The following SMYD4 variants were observed in gnomAD, a reference collection of about 807,000 sequenced individuals.
The protein encoded by SMYD4 is protein-lysine N-methyltransferase SMYD4.
SMYD4 carries 68 observed loss-of-function variants against 72.8 expected under a neutral mutation model. That is an observed-to-expected ratio of 0.93 (90% CI 0.77 to 1.14). The LOEUF (loss-of-function observed/expected upper bound fraction) is 1.14, where lower values mean the gene tolerates loss of function less well. Ranked by LOEUF, SMYD4 falls within the 50% of genes most tolerant of loss-of-function variation. SMYD4 has a pLI of 0.00. For missense variants in SMYD4, 984 were observed against 1,003.7 expected, an observed-to-expected ratio of 0.98 and a Z score of 0.27; for synonymous variants, 407 against 388.6, an observed-to-expected ratio of 1.05 and a Z score of -0.56.
Position 1,794,093 on chromosome 17 carries a change from A to G in SMYD4, c.1537+5764T>C, listed in dbSNP as rs181340805. On this transcript the variant is annotated intron_variant, in intron 5 of 10. Coordinates refer to ENST00000305513, the MANE Select transcript of SMYD4 (RefSeq NM_052928.3). ...TGTATATATATGTGTATATATATAT[A>G]TATATATATATATTTTTTTTTTTTT... 3.0e-3 allele frequency among the ~76,000 whole-genome samples: 58 copies of G among 19,382 alleles called. 4 individuals carry two copies. Among genetic ancestry groups the G allele is most frequent in the African/African-American group, 6.5e-3 (38 of 5,818 alleles). The allele number at this position is 19,382 out of a possible 152,430, so 12.7% of individuals were successfully genotyped here.
Position 1,781,448 on chromosome 17 carries a change from A to C in SMYD4, c.2262-9T>G. The C allele has an allele frequency of 6.2e-7, 1 of 1,612,538 alleles. No individual in the cohort carries two copies. The highest frequency in any genetic ancestry group is 8.5e-7 in the Non-Finnish European group (1 of 1,179,510). On this transcript the variant is annotated splice_polypyrimidine_tract_variant and intron_variant, in intron 10 of 10. Coordinates refer to ENST00000305513, the MANE Select transcript of SMYD4 (RefSeq NM_052928.3). ...CTTCGGGTACTGCAAACCTGAGCCA[A>C]GGGAGGTAAGAGGAGTTAGTTCACT...
intron 2 of SMYD4, 119 bp downstream of exon 2, chr17:1,827,742 C>T: frequency 7.6e-7 from 1 of 1,321,464 alleles, no homozygotes; most frequent in East Asian, 2.6e-5. Context: ...TTGAGACCAG[C>T]CTGGGAAACA....
At position 1,828,664 on chromosome 17, in the gene SMYD4, C is replaced by T. The variant is rs536891037; in HGVS notation, c.-12-658G>A. On this transcript the variant is annotated intron_variant, in intron 1 of 10. Coordinates refer to ENST00000305513, the MANE Select transcript of SMYD4 (RefSeq NM_052928.3). The stretch of plus-strand genomic sequence containing the variant: ...CCAGGCTGGAGTGCAGTGGCACCAT[C>T]TCGGCTCACTGCACCCTCCGCCTCC... Among the ~76,000 whole-genome samples, 14 of 149,720 alleles carry T rather than the reference C, an allele frequency of 9.4e-5. No homozygotes were observed. The South Asian group carries it at 2.9e-3, about 32-fold the overall frequency.
chr17:1,815,035 C>T (rs758805836), intron 2 of SMYD4, among the ~76,000 whole-genome samples: 1 of 151,834 alleles, frequency 6.6e-6, no homozygotes, highest in Non-Finnish European at 1.5e-5. Context: ...ATTCTTCTTG[C>T]CTAACAATAG....
At chr17:1,807,740 A>G (rs1910118273) in intron 3 of SMYD4, among the ~76,000 whole-genome samples, 1 of 152,166 alleles carries the variant, frequency 6.6e-6, no homozygotes, top group Admixed American at 6.6e-5. Context: ...GGTGCTGAAC[A>G]ATATGCGCAG....
At chr17:1,820,249 G>A (rs1910823029) in intron 2 of SMYD4, among the ~76,000 whole-genome samples, 3 of 151,824 alleles carry the variant, frequency 2.0e-5, no homozygotes, top group Admixed American at 2.0e-4. Flanking sequence ...GTTCTTTTTT[G>A]TTGTTTTTGA....
chr17:1,787,537 G>C lies in SMYD4; in HGVS notation c.1605C>G (p.Ile535Met). Residue 535 changes from isoleucine to methionine, a missense_variant, in exon 6 of 11, where the codon ATC (isoleucine) becomes ATG (methionine). Coordinates refer to ENST00000305513, the MANE Select transcript of SMYD4 (RefSeq NM_052928.3). Reference sequence around the variant, plus strand: ...GGCTACAGGAGTGGTTCAGGAGGCTGATAACAGGGAAGATGCCTGTGGCAA... The same window carrying C: ...GGCTACAGGAGTGGTTCAGGAGGCTCATAACAGGGAAGATGCCTGTGGCAA... ...VRLATGIFPV[I>M]SLLNHSCSPN... 6.3e-7 allele frequency: 1 copy of C among 1,594,252 alleles called. No homozygotes were observed. Among genetic ancestry groups the C allele is most frequent in the Admixed American group, 1.8e-5 (1 of 56,884 alleles).
intron 5 of SMYD4, among the ~76,000 whole-genome samples, chr17:1,794,081 G>GTGTGTATATATATA (rs1454228796): frequency 2.9e-4 from 5 of 17,118 alleles, no homozygotes; most frequent in Admixed American, 7.8e-4. Flanking sequence ...ATATATATGT[G>GTGTGTATATATATA]TATATATATA....
rs528588244 is a variant in SMYD4 at position 1,812,026 on chromosome 17, CCTT to C, written c.221_223del (p.Glu74del). ...ATCTTTCTCCTGAAATTTTTTGTTT[CCTT>C]CTTCTCTGTAGAAAAGAGGAGCGTC... On this transcript the variant is annotated inframe_deletion, in exon 3 of 11. Coordinates refer to ENST00000305513, the MANE Select transcript of SMYD4 (RefSeq NM_052928.3). 1.9e-4 allele frequency: 299 copies of C among 1,614,112 alleles called. No individual in the cohort carries two copies. The highest frequency in any genetic ancestry group is 4.7e-4 in the Admixed American group (28 of 60,000).
intron 2 of SMYD4, among the ~76,000 whole-genome samples, chr17:1,824,845 G>C (rs1313473144): frequency 6.6e-6 from 1 of 151,914 alleles, no homozygotes; most frequent in Admixed American, 6.6e-5. Flanking sequence ...GGCTGGTCCT[G>C]AACTCCTGAC....
intron 2 of SMYD4, among the ~76,000 whole-genome samples, chr17:1,823,101 T>C (rs1362093260): frequency 6.6e-6 from 1 of 151,308 alleles, no homozygotes; most frequent in African/African-American, 2.4e-5. Context: ...CCGGGCACGG[T>C]GGCTCACGCC....
In SMYD4 at chr17:1,783,083, A is replaced by C; in HGVS notation, c.2213T>G (p.Val738Gly). The C allele has an allele frequency of 6.2e-7, 1 of 1,614,218 alleles. No homozygotes were observed. Among genetic ancestry groups the C allele is most frequent in the Non-Finnish European group, 8.5e-7 (1 of 1,180,046 alleles). ...TTTGAAGAGCTCATGGCCCATTTCA[A>C]CACTGGACGGCCCGTGGCGAACCTC... ...VVEVRHGPSSVEMGHELFKLA... is the reference protein window; with the variant it reads ...VVEVRHGPSSGEMGHELFKLA... Residue 738 changes from valine to glycine, a missense_variant, in exon 10 of 11, where the codon GTT becomes GGT. By Grantham distance (109) the Val-to-Gly change is moderately radical. Coordinates refer to ENST00000305513, the MANE Select transcript of SMYD4 (RefSeq NM_052928.3).
At chr17:1,790,556 G>A (rs117127027) in intron 5 of SMYD4, among the ~76,000 whole-genome samples, 14,570 of 151,800 alleles carry the variant, frequency 0.096, 958 homozygotes, top group African/African-American at 0.18. Flanking sequence ...TCACTCTGTC[G>A]CCTAGGCTGG....
intron 7 of SMYD4, 108 bp from the exon 8 acceptor site, chr17:1,784,569 A>G: frequency 1.3e-6 from 2 of 1,523,542 alleles, no homozygotes; most frequent in East Asian, 4.5e-5. Flanking sequence ...TGGGGGAAAG[A>G]GACTCCTGTA....
At chr17:1,788,400 T>C (rs535039653) in intron 5 of SMYD4, among the ~76,000 whole-genome samples, 2 of 152,138 alleles carry the variant, frequency 1.3e-5, no homozygotes, top group Admixed American at 1.3e-4. Flanking sequence ...ATTGTAACAT[T>C]TATTATTTTT....
intron 5 of SMYD4, among the ~76,000 whole-genome samples, chr17:1,796,116 C>T (rs1203025816): frequency 1.3e-5 from 2 of 151,944 alleles, no homozygotes; most frequent in Non-Finnish European, 2.9e-5. Flanking sequence ...TTTCATTAGC[C>T]ACAGAATAAG....
At chr17:1,807,953 T>A (rs1292040475) in intron 3 of SMYD4, among the ~76,000 whole-genome samples, 3 of 152,074 alleles carry the variant, frequency 2.0e-5, no homozygotes, top group Non-Finnish European at 4.4e-5. Flanking sequence ...TCCTCACAAA[T>A]AAATCGATAT....
chr17:1,801,625 GAAAAAAAA>G (rs551608562), intron 4 of SMYD4, among the ~76,000 whole-genome samples: 5 of 89,994 alleles, frequency 5.6e-5, no homozygotes, highest in Non-Finnish European at 6.4e-5. Flanking sequence ...GGCAGGCTTT[GAAAAAAAA>G]AAAAAAAAAA....
intron 2 of SMYD4, among the ~76,000 whole-genome samples, chr17:1,818,968 G>A (rs1750105023): frequency 6.6e-6 from 1 of 151,760 alleles, no homozygotes; most frequent in Admixed American, 6.6e-5. Context: ...TTTTTAATGA[G>A]TAATTTTTTT....
Sources: gnomAD v4.1 joint callset for allele counts (sites outside exome capture counted in the v4.1 genomes callset) on GRCh38, gnomAD v4.1.1 for gene constraint, MANE v1.5 for transcripts, NCBI Gene and HGNC (gene_info 2026-07-23, HGNC 2026-07-21) for gene names.